Variants in EEA1 observed in about 807,000 individuals in gnomAD.
EEA1 encodes the protein early endosome antigen 1, also known as early endosome antigen 1, 162kD.
In EEA1, 111 loss-of-function variants were observed where a neutral mutation model predicts 209.2. That is an observed-to-expected ratio of 0.53 (90% CI 0.45 to 0.62). The LOEUF (loss-of-function observed/expected upper bound fraction) is 0.62. Among genes scored for constraint, EEA1 ranks in the 20% least tolerant of loss-of-function variants. The probability of loss-of-function intolerance (pLI) is 0.00; values close to 1 mark genes in which losing one functional copy is unlikely to be tolerated. For synonymous variants in EEA1, 536 were observed against 540.6 expected, an observed-to-expected ratio of 0.99 and a Z score of 0.12; for missense variants, 1,343 against 1,530.8, an observed-to-expected ratio of 0.88 and a Z score of 2.05.
Position 92,871,237 on chromosome 12 carries a change from C to T in EEA1, c.118-6250G>A, listed in dbSNP as rs185528304. On this transcript the variant is annotated intron_variant, in intron 2 of 28. Coordinates refer to ENST00000322349, the MANE Select transcript of EEA1 (RefSeq NM_003566.4). The stretch of plus-strand genomic sequence containing the variant: ...GCTGCAAACAGGAAGAGAAACCACG[C>T]AGACTTCCCAAGAGCCTCTTTTCCT... 4.8e-3 allele frequency among the ~76,000 whole-genome samples: 738 copies of T among 152,248 alleles called. 2 individuals are homozygous for T. Among genetic ancestry groups the T allele is most frequent in the African/African-American group, 0.017 (699 of 41,548 alleles).
At chr12:92,893,635 T>G (rs548171534) in intron 1 of EEA1, among the ~76,000 whole-genome samples, 1 of 152,334 alleles carries the variant, frequency 6.6e-6, no homozygotes, top group Non-Finnish European at 1.5e-5. Context: ...AAATTATATA[T>G]AAAAACTACT....
intron 3 of EEA1, among the ~76,000 whole-genome samples, chr12:92,860,234 T>G (rs1398304279): frequency 6.6e-6 from 1 of 152,230 alleles, no homozygotes; most frequent in African/African-American, 2.4e-5. Context: ...CCTGAGGGTC[T>G]GAAGGTTGCA....
At chr12:92,872,769 A>ATGG (rs1878711452) in intron 2 of EEA1, among the ~76,000 whole-genome samples, 1 of 152,140 alleles carries the variant, frequency 6.6e-6, no homozygotes, top group South Asian at 2.1e-4. Flanking sequence ...TCTGGCCAAC[A>ATGG]TGGTGAAACC....
chr12:92,789,991 C>T (rs1440913441), intron 21 of EEA1, among the ~76,000 whole-genome samples: 2 of 152,186 alleles, frequency 1.3e-5, no homozygotes, highest in Admixed American at 1.3e-4. Flanking sequence ...GCTGGTGATA[C>T]CCAGGCAAAC....
chr12:92,783,367 TGTG>T (rs1873991029), intron 22 of EEA1, among the ~76,000 whole-genome samples: 1 of 152,186 alleles, frequency 6.6e-6, no homozygotes, highest in South Asian at 2.1e-4. Context: ...TGATGATTGT[TGTG>T]GTGTGAGAGT....
At chr12:92,811,542 G>C (rs1309206641) in intron 16 of EEA1, 108 bp from the exon 17 acceptor site, 1 of 706,096 alleles carries the variant, frequency 1.4e-6, no homozygotes, top group African/African-American at 1.9e-5. Flanking sequence ...AAAAATATTT[G>C]GAGTAAGAGC....
At chr12:92,804,953 T>C (rs1285901177) in intron 18 of EEA1, among the ~76,000 whole-genome samples, 2 of 152,122 alleles carry the variant, frequency 1.3e-5, no homozygotes, top group Non-Finnish European at 2.9e-5. Context: ...ACAAAGTACA[T>C]AGGCAAGAAA....
chr12:92,857,500 G>T lies in EEA1; in HGVS notation c.246-15C>A. 1 of 1,551,508 alleles carries T rather than the reference G, an allele frequency of 6.4e-7. No homozygotes were observed. Among genetic ancestry groups the T allele is most frequent in the Middle Eastern group, 2.2e-4 (1 of 4,568 alleles). ...TTACATCATCTCTAAATAAAAATGGGAGGAAGGAATTAATAGTCAATGTCC... is the reference window on the plus strand; with the variant it reads ...TTACATCATCTCTAAATAAAAATGGTAGGAAGGAATTAATAGTCAATGTCC... On this transcript the variant is annotated splice_polypyrimidine_tract_variant and intron_variant, in intron 3 of 28. Coordinates refer to ENST00000322349, the MANE Select transcript of EEA1 (RefSeq NM_003566.4).
At position 92,775,899 on chromosome 12, in the gene EEA1, G is replaced by T; in HGVS notation, c.*112C>A. The T allele has an allele frequency of 9.2e-7, 1 of 1,084,052 alleles. No individual in the cohort carries two copies. The allele number at this position is 1,084,052 out of a possible 1,614,324, so 67.2% of individuals were successfully genotyped here. ...TCCAAAATATACTAATTCCTATTTG[G>T]TCTAGTATTGCAACCAGTGTCCAAA... On this transcript the variant is annotated 3_prime_UTR_variant, in exon 29 of 29. Coordinates refer to ENST00000322349, the MANE Select transcript of EEA1 (RefSeq NM_003566.4).
intron 3 of EEA1, among the ~76,000 whole-genome samples, chr12:92,864,111 G>A (rs563621022): frequency 1.1e-4 from 17 of 152,190 alleles, no homozygotes; most frequent in Non-Finnish European, 2.4e-4. Context: ...TTTTAATACA[G>A]TAAAATGGCC....
intron 24 of EEA1, 105 bp downstream of exon 24, chr12:92,780,175 G>T: frequency 8.0e-7 from 1 of 1,254,750 alleles, no homozygotes; most frequent in Non-Finnish European, 1.1e-6. Flanking sequence ...AATTTGCCTA[G>T]CACATAGCAA....
In EEA1 at chr12:92,776,826, A is replaced by G. The variant is rs763265815; in HGVS notation, c.4113+18T>C. On this transcript the variant is annotated intron_variant, in intron 28 of 28. Transcript: ENST00000322349. Reference sequence around the variant, plus strand: ...AAATGAAATCCAGAAACATAGTTACATGAACAAAATTATTTACCCGTCTCA... The same window carrying G: ...AAATGAAATCCAGAAACATAGTTACGTGAACAAAATTATTTACCCGTCTCA... 3.6e-5 allele frequency: 58 copies of G among 1,602,904 alleles called. No individual in the cohort carries two copies. The highest frequency in any genetic ancestry group is 4.9e-5 in the Non-Finnish European group (57 of 1,170,806).
intron 1 of EEA1, among the ~76,000 whole-genome samples, chr12:92,900,686 T>C (rs569627404): frequency 2.4e-4 from 37 of 152,022 alleles, no homozygotes; most frequent in African/African-American, 7.5e-4. Context: ...TTTATTTTTT[T>C]GAGGCACAGT....
chr12:92,903,219 G>A (rs1162994482), intron 1 of EEA1, among the ~76,000 whole-genome samples: 1 of 151,814 alleles, frequency 6.6e-6, no homozygotes, highest in African/African-American at 2.4e-5. Flanking sequence ...TTACAGGCAT[G>A]AGCCACCGCG....
At chr12:92,841,216 A>T (rs1877148732) in intron 10 of EEA1, among the ~76,000 whole-genome samples, 1 of 152,240 alleles carries the variant, frequency 6.6e-6, no homozygotes, top group African/African-American at 2.4e-5. Flanking sequence ...CAACGGGGAA[A>T]GGACAGTCTT....
rs375396147 is a variant in EEA1 at position 92,817,419 on chromosome 12, C to T, written c.1729-1019G>A. On this transcript the variant is annotated intron_variant, in intron 14 of 28. Coordinates refer to ENST00000322349, the MANE Select transcript of EEA1 (RefSeq NM_003566.4). The stretch of plus-strand genomic sequence containing the variant: ...ACAGGGTCTCACTCCGTCACCCAGG[C>T]TGGAGTGCAGTAGCACAGTGATAGC... Among the ~76,000 whole-genome samples, 31 of 152,118 alleles carry T rather than the reference C, an allele frequency of 2.0e-4. No individual in the cohort carries two copies. The East Asian group carries it at 5.4e-3, about 27-fold the overall frequency.
intron 8 of EEA1, 94 bp from the exon 9 acceptor site, chr12:92,851,360 A>G (rs1020894243): frequency 1.6e-6 from 2 of 1,247,784 alleles, no homozygotes; most frequent in Non-Finnish European, 2.2e-6. Context: ...ATCAAAAGGG[A>G]AACAATCATC....
intron 9 of EEA1, among the ~76,000 whole-genome samples, chr12:92,849,180 G>C (rs1023133232): frequency 1.3e-5 from 2 of 152,008 alleles, no homozygotes; most frequent in African/African-American, 4.8e-5. Flanking sequence ...CATTAATTTG[G>C]TTCTGTTTTA....
At chr12:92,859,399 C>A (rs1301834695) in intron 3 of EEA1, 4 of 623,636 alleles carry the variant, frequency 6.4e-6, no homozygotes, top group African/African-American at 3.7e-5. Context: ...CAGTTGTAGT[C>A]ACTCTAGTCA....
Sources: gnomAD v4.1 joint callset for allele counts (sites outside exome capture counted in the v4.1 genomes callset) on GRCh38, gnomAD v4.1.1 for gene constraint, MANE v1.5 for transcripts, NCBI Gene and HGNC (gene_info 2026-07-23, HGNC 2026-07-21) for gene names.